Variants in NECTIN3 observed in about 807,000 individuals in gnomAD.
The protein encoded by NECTIN3 is nectin cell adhesion molecule 3, also known as nectin-3.
NECTIN3 carries 8 observed loss-of-function variants against 49.4 expected under a neutral mutation model. That is an observed-to-expected ratio of 0.16 (90% CI 0.10 to 0.29). The LOEUF is 0.29. Among genes scored for constraint, NECTIN3 ranks in the 10% least tolerant of loss-of-function variants. NECTIN3 has a pLI of 1.00. For missense variants in NECTIN3, 581 were observed against 654.6 expected, an observed-to-expected ratio of 0.89 and a Z score of 1.23; for synonymous variants, 277 against 241.1, an observed-to-expected ratio of 1.15 and a Z score of -1.38.
intron 7 of NECTIN3, among the ~76,000 whole-genome samples, chr3:111,177,395 G>A (rs934461208): frequency 5.3e-5 from 8 of 152,170 alleles, no homozygotes; most frequent in Non-Finnish European, 1.2e-4. Flanking sequence ...GATCTCTAGA[G>A]AGGAATTCAA....
chr3:111,185,142 T>C (rs2035695160), intron 7 of NECTIN3, among the ~76,000 whole-genome samples: 1 of 152,208 alleles, frequency 6.6e-6, no homozygotes, highest in Non-Finnish European at 1.5e-5. Context: ...GAGCTTTTTT[T>C]ATGTGTGTCT....
At chr3:111,095,962 G>T (rs374044503) in intron 1 of NECTIN3, among the ~76,000 whole-genome samples, 1 of 152,184 alleles carries the variant, frequency 6.6e-6, no homozygotes, top group East Asian at 1.9e-4. Context: ...GTGGAGTGGG[G>T]CATTACTGAA....
intron 1 of NECTIN3, chr3:111,075,372 GC>G (rs2031111029): frequency 6.6e-6 from 1 of 151,778 alleles, no homozygotes; most frequent in Admixed American, 6.6e-5. Context: ...TCTCTCTCTA[GC>G]TGTAAATCAT....
At chr3:111,096,961 G>C (rs1018703689) in intron 1 of NECTIN3, among the ~76,000 whole-genome samples, 2 of 152,198 alleles carry the variant, frequency 1.3e-5, no homozygotes, top group Non-Finnish European at 2.9e-5. Context: ...ATACCACCTA[G>C]TGGAGCTGTG....
intron 1 of NECTIN3, among the ~76,000 whole-genome samples, chr3:111,109,785 T>C (rs981548283): frequency 6.6e-6 from 1 of 152,078 alleles, no homozygotes; most frequent in African/African-American, 2.4e-5. Context: ...TTGGCAGTTA[T>C]TTCTACCCTG....
intron 4 of NECTIN3, among the ~76,000 whole-genome samples, chr3:111,125,875 T>C (rs962498749): frequency 7.9e-5 from 12 of 152,180 alleles, no homozygotes; most frequent in African/African-American, 2.9e-4. Flanking sequence ...TTTTTCTAAC[T>C]TCCAGTTTTC....
At chr3:111,144,082 G>A (rs950275889) in intron 5 of NECTIN3, among the ~76,000 whole-genome samples, 20 of 152,026 alleles carry the variant, frequency 1.3e-4, no homozygotes, top group African/African-American at 4.8e-4. Context: ...TTGAAAATAT[G>A]TAGTACTTGT....
chr3:111,163,342 A>G (rs1464101492), intron 7 of NECTIN3, among the ~76,000 whole-genome samples: 1 of 152,184 alleles, frequency 6.6e-6, no homozygotes, highest in Non-Finnish European at 1.5e-5. Context: ...CCATACTTCA[A>G]TAGTTGAAGC....
intron 4 of NECTIN3, among the ~76,000 whole-genome samples, chr3:111,125,841 G>A (rs1384967821): frequency 6.6e-6 from 1 of 152,058 alleles, no homozygotes; most frequent in Non-Finnish European, 1.5e-5. Context: ...ATTTGATATT[G>A]TATGTATGTC....
intron 7 of NECTIN3, among the ~76,000 whole-genome samples, chr3:111,161,004 C>T (rs2035202597): frequency 6.6e-6 from 1 of 151,800 alleles, no homozygotes; most frequent in South Asian, 2.1e-4. Context: ...GAGACTCCGT[C>T]TCAAAAAAAA....
At chr3:111,164,593 A>G (rs2107522462) in intron 7 of NECTIN3, among the ~76,000 whole-genome samples, 1 of 152,358 alleles carries the variant, frequency 6.6e-6, no homozygotes, top group East Asian at 1.9e-4. Context: ...AAGGTGTCCA[A>G]GGTCCTGGGG....
upstream of NECTIN3, among the ~76,000 whole-genome samples, chr3:111,187,434 C>T (rs985796015): frequency 1.3e-5 from 2 of 152,026 alleles, no homozygotes; most frequent in South Asian, 4.2e-4. Context: ...CATACTCTTA[C>T]CGTATAACCT....
At chr3:111,117,463 G>A (rs930103170) in intron 2 of NECTIN3, among the ~76,000 whole-genome samples, 2 of 151,964 alleles carry the variant, frequency 1.3e-5, no homozygotes, top group African/African-American at 4.8e-5. Flanking sequence ...GATGTGTGGT[G>A]GTTATATGGA....
chr3:111,110,984 G>C (rs1477844), intron 1 of NECTIN3, among the ~76,000 whole-genome samples: 91,926 of 151,888 alleles, frequency 0.61, 33,188 homozygotes, highest in Non-Finnish European at 0.82. Context: ...ATGCCCTTCT[G>C]CATTTCTGTA....
chr3:111,149,125 C>T (rs1201489429), intron 7 of NECTIN3, among the ~76,000 whole-genome samples: 1 of 152,102 alleles, frequency 6.6e-6, no homozygotes, highest in Admixed American at 6.6e-5. Flanking sequence ...TTTGAGAGCA[C>T]TTTTATCCTA....
chr3:111,101,111 C>T (rs1353059635), intron 1 of NECTIN3, among the ~76,000 whole-genome samples: 2 of 152,078 alleles, frequency 1.3e-5, no homozygotes, highest in Non-Finnish European at 2.9e-5. Flanking sequence ...GAGGTTATAT[C>T]AGATACCCCC....
At chr3:111,176,815 T>C (rs2035538169) in intron 7 of NECTIN3, among the ~76,000 whole-genome samples, 2 of 152,126 alleles carry the variant, frequency 1.3e-5, no homozygotes, top group African/African-American at 4.8e-5. Flanking sequence ...AGAGACCCTT[T>C]TGTATTTCAT....
intron 7 of NECTIN3, among the ~76,000 whole-genome samples, chr3:111,164,607 A>G (rs1384898627): frequency 6.6e-6 from 1 of 152,204 alleles, no homozygotes; most frequent in Non-Finnish European, 1.5e-5. Context: ...CCTGGGGGGA[A>G]ATCTTTTCCA....
In NECTIN3 at chr3:111,171,628, A is replaced by G. The variant is rs1576178066; in HGVS notation, c.1222-20723A>G. On this transcript the variant is annotated intron_variant, in intron 7 of 8. Coordinates refer to the NECTIN3 transcript ENST00000493615. ...TTACATCTTTGTGGGACAAAGCTCCATACACCAGTGCATATTGACATTTGA... is the reference window on the plus strand; with the variant it reads ...TTACATCTTTGTGGGACAAAGCTCCGTACACCAGTGCATATTGACATTTGA... Among the ~76,000 whole-genome samples, 4 of 152,274 alleles carry G rather than the reference A, an allele frequency of 2.6e-5. No individual in the cohort carries two copies. In the South Asian group the frequency reaches 6.2e-4, roughly 24 times the overall value.
Sources: allele counts gnomAD v4.1 joint callset (sites outside exome capture counted in the v4.1 genomes callset), GRCh38; gene constraint gnomAD v4.1.1; transcripts MANE v1.5; gene names NCBI Gene and HGNC (gene_info 2026-07-23, HGNC 2026-07-21).